Variants in MAP4K4 observed in about 807,000 individuals in gnomAD.
The protein encoded by MAP4K4 is HPK/GCK-like kinase HGK.
In MAP4K4, 38 loss-of-function variants were observed where a neutral mutation model predicts 189.6. The ratio of observed to expected loss-of-function variants is 0.20; its 90% CI spans 0.15 to 0.26. MAP4K4 has a LOEUF of 0.26. MAP4K4 is among the 10% of genes least tolerant of loss of function. MAP4K4 has a pLI of 1.00. For missense variants in MAP4K4, 1,054 were observed against 1,726.9 expected (o/e 0.61, Z 6.91); for synonymous variants, 610 against 624.3 (o/e 0.98, Z 0.34).
At chr2:101,720,304 G>A (rs1346217364) in intron 2 of MAP4K4, among the ~76,000 whole-genome samples, 1 of 150,982 alleles carries the variant, frequency 6.6e-6, no homozygotes, top group African/African-American at 2.4e-5. Context: ...TTCCTGAGTC[G>A]CCAGGATTAC....
chr2:101,747,973 G>T (rs2066507362), intron 2 of MAP4K4, among the ~76,000 whole-genome samples: 2 of 152,212 alleles, frequency 1.3e-5, no homozygotes, highest in African/African-American at 2.4e-5. Context: ...CAAAAGTGAA[G>T]GGTCGAGCTC....
At chr2:101,823,878 T>C in intron 3 of MAP4K4, 50 bp from the exon 4 acceptor site, 1 of 1,511,514 alleles carries the variant, frequency 6.6e-7, no homozygotes, top group South Asian at 1.3e-5. Flanking sequence ...GGAAGTAAAG[T>C]CATTCACATC....
intron 3 of MAP4K4, among the ~76,000 whole-genome samples, chr2:101,818,710 A>G (rs61658078): frequency 0.034 from 5,248 of 152,232 alleles, 312 homozygotes; most frequent in African/African-American, 0.12. Context: ...AATTACTACT[A>G]TGCAGATGTT....
intron 14 of MAP4K4, 22 bp downstream of exon 14, chr2:101,859,104 A>G: frequency 6.3e-7 from 1 of 1,595,688 alleles, no homozygotes; most frequent in Non-Finnish European, 8.6e-7. Context: ...CCTCTGTTTC[A>G]TTCTGTAGCA....
At chr2:101,888,917 G>A in exon 32 of MAP4K4, 2 of 1,611,916 alleles carry the variant, frequency 1.2e-6, no homozygotes, top group East Asian at 4.5e-5. Flanking sequence ...TAAAATTCTT[G>A]TGTGAACGCA....
At chr2:101,879,473 A>G (rs1046191549) in intron 27 of MAP4K4, among the ~76,000 whole-genome samples, 1 of 152,168 alleles carries the variant, frequency 6.6e-6, no homozygotes, top group Non-Finnish European at 1.5e-5. Context: ...CACAAGATGG[A>G]AACAAAACAT....
chr2:101,838,678 C>T (rs1172132442), intron 9 of MAP4K4, among the ~76,000 whole-genome samples: 2 of 152,050 alleles, frequency 1.3e-5, no homozygotes, highest in Non-Finnish European at 2.9e-5. Context: ...ACTTTATTTC[C>T]CATGTGTATG....
chr2:101,808,621 G>C (rs1362411334), intron 3 of MAP4K4, among the ~76,000 whole-genome samples: 1 of 149,810 alleles, frequency 6.7e-6, no homozygotes, highest in African/African-American at 2.5e-5. Context: ...GAAGCTGCTG[G>C]AACAAAAAAT....
At chr2:101,747,402 G>A (rs1052014594) in intron 2 of MAP4K4, among the ~76,000 whole-genome samples, 1 of 152,152 alleles carries the variant, frequency 6.6e-6, no homozygotes, top group Non-Finnish European at 1.5e-5. Flanking sequence ...ACATGCGTGA[G>A]TCACCATGCC....
intron 6 of MAP4K4, among the ~76,000 whole-genome samples, chr2:101,830,193 TGTG>T (rs1407784131): frequency 4.0e-4 from 61 of 152,286 alleles, no homozygotes; most frequent in Admixed American, 3.5e-3. Flanking sequence ...TGTATAGTTA[TGTG>T]ATTGTTTTTT....
At chr2:101,723,410 G>T (rs1425913722) in intron 2 of MAP4K4, among the ~76,000 whole-genome samples, 1 of 152,178 alleles carries the variant, frequency 6.6e-6, no homozygotes, top group Non-Finnish European at 1.5e-5. Flanking sequence ...ACATGGTAAG[G>T]GTAAGAAAAA....
intron 27 of MAP4K4, among the ~76,000 whole-genome samples, chr2:101,880,922 TGTCA>T (rs1191936174): frequency 2.6e-5 from 4 of 152,244 alleles, no homozygotes; most frequent in African/African-American, 9.6e-5. Flanking sequence ...AGTCAGGTAC[TGTCA>T]GTCTTTCAAC....
Position 101,842,662 on chromosome 2 carries a change from G to T in MAP4K4, c.1003G>T (p.Glu335Ter). The T allele has an allele frequency of 6.2e-7, 1 of 1,608,198 alleles. No individual in the cohort carries two copies. Among genetic ancestry groups the T allele is most frequent in the South Asian group, 1.1e-5 (1 of 89,712 alleles). Residue 335 changes from glutamate (E) to a stop codon, truncating the protein, a stop_gained, in exon 11 of 33, where the codon GAA becomes TAA. Coordinates refer to ENST00000324219, the Ensembl canonical transcript of MAP4K4. LOFTEE classifies it high-confidence loss of function. ...TGAGGAAGAAGAGGAGGAAGTGCCT[G>T]AACAGGAAGGAGAGCCAAGGTAACC...
At chr2:101,852,433 G>A (rs955708022) in intron 12 of MAP4K4, among the ~76,000 whole-genome samples, 1 of 151,874 alleles carries the variant, frequency 6.6e-6, no homozygotes, top group Non-Finnish European at 1.5e-5. Context: ...ACTATAGGGG[G>A]AAAAAAGGAG....
chr2:101,860,836 A>G, exon 16 of MAP4K4: 1 of 1,607,240 alleles, frequency 6.2e-7, no homozygotes, highest in Non-Finnish European at 8.5e-7. Context: ...TGGAAGATAG[A>G]TTTAGGAAAA....
At chr2:101,699,666 C>T (rs1051496368) in intron 2 of MAP4K4, among the ~76,000 whole-genome samples, 1 of 151,674 alleles carries the variant, frequency 6.6e-6, no homozygotes, top group Non-Finnish European at 1.5e-5. Context: ...ATCTTATTGT[C>T]TCTTTTCTGC....
chr2:101,834,605 AGTT>A, intron 8 of MAP4K4, 142 bp downstream of exon 8: 1 of 653,924 alleles, frequency 1.5e-6, no homozygotes, highest in Non-Finnish European at 2.7e-6. Flanking sequence ...AATATAGTCA[AGTT>A]TTAGATGTAG....
At chr2:101,873,604 T>A (rs1222632561) in intron 24 of MAP4K4, 43 bp from the exon 25 acceptor site, 9 of 1,037,806 alleles carry the variant, frequency 8.7e-6, no homozygotes, top group Non-Finnish European at 1.3e-5. Flanking sequence ...TGTTCATTTT[T>A]AAAATGCCAG....
At chr2:101,819,246 G>T (rs1415170636) in intron 3 of MAP4K4, among the ~76,000 whole-genome samples, 1 of 144,878 alleles carries the variant, frequency 6.9e-6, no homozygotes, top group African/African-American at 2.5e-5. Flanking sequence ...GTACTTAAGT[G>T]CTGGGATGCA....
Sources: gnomAD v4.1 joint callset for allele counts (sites outside exome capture counted in the v4.1 genomes callset) on GRCh38, gnomAD v4.1.1 for gene constraint, MANE v1.5 for transcripts, NCBI Gene and HGNC (gene_info 2026-07-23, HGNC 2026-07-21) for gene names.